The following FAM227A variants were observed in gnomAD, a reference collection of about 807,000 sequenced individuals.
The protein encoded by FAM227A is protein FAM227A.
A neutral mutation model predicts 74.7 loss-of-function variants in FAM227A; 80 were observed. The observed-to-expected ratio is 1.07, with a 90% confidence interval of 0.89 to 1.29. The LOEUF (loss-of-function observed/expected upper bound fraction) is 1.29. Ranked by LOEUF, FAM227A falls within the 50% of genes most tolerant of loss-of-function variation. FAM227A has a pLI of 0.00. For synonymous variants in FAM227A, 237 were observed against 241.8 expected (o/e 0.98, Z 0.19); for missense variants, 654 against 683.4 (o/e 0.96, Z 0.48).
At chr22:38,612,336 G>T (rs1245311265) in intron 11 of FAM227A, among the ~76,000 whole-genome samples, 2 of 152,138 alleles carry the variant, frequency 1.3e-5, no homozygotes, top group Non-Finnish European at 2.9e-5. Context: ...GCCTTCGCTT[G>T]TGCTTCTCTT....
chr22:38,655,911 C>T (rs1410148419), intron 1 of FAM227A, among the ~76,000 whole-genome samples: 1 of 152,206 alleles, frequency 6.6e-6, no homozygotes, highest in Non-Finnish European at 1.5e-5. Flanking sequence ...AGTTTCTGCA[C>T]TTATCAGACG....
intron 11 of FAM227A, among the ~76,000 whole-genome samples, chr22:38,610,205 TAG>T (rs917144884): frequency 1.3e-5 from 2 of 151,884 alleles, no homozygotes; most frequent in African/African-American, 4.8e-5. Context: ...TTTTTTTTGG[TAG>T]AGACAGGGAG....
chr22:38,592,073 C>T (rs1411901929), intron 15 of FAM227A, among the ~76,000 whole-genome samples: 1 of 151,884 alleles, frequency 6.6e-6, no homozygotes, highest in Non-Finnish European at 1.5e-5. Flanking sequence ...CTCAGCCTCC[C>T]GAGTAGCTGG....
intron 3 of FAM227A, among the ~76,000 whole-genome samples, 185 bp from the exon 4 acceptor site, chr22:38,639,909 G>C (rs2092078409): frequency 1.3e-5 from 2 of 152,134 alleles, no homozygotes; most frequent in South Asian, 2.1e-4. Flanking sequence ...TCATCCCCCA[G>C]AGTGTCCCCA....
At chr22:38,623,111 T>G in intron 10 of FAM227A, 61 bp downstream of exon 10, 1 of 1,160,138 alleles carries the variant, frequency 8.6e-7, no homozygotes, top group Non-Finnish European at 1.3e-6. Flanking sequence ...CCTCCCTCAG[T>G]TAGATAGTGG....
chr22:38,613,934 C>T (rs781180387), intron 11 of FAM227A, among the ~76,000 whole-genome samples: 3 of 152,054 alleles, frequency 2.0e-5, no homozygotes, highest in Non-Finnish European at 4.4e-5. Context: ...TGCAGGGGTG[C>T]GATCTCAGCT....
chr22:38,582,793 T>C lies in FAM227A; in HGVS notation c.*3332A>G. 1.3e-6 allele frequency: 2 copies of C among 1,541,672 alleles called. No individual in the cohort carries two copies. The highest frequency in any genetic ancestry group is 4.9e-5 in the East Asian group (2 of 40,888). On this transcript the variant is annotated 3_prime_UTR_variant, in exon 17 of 17. Coordinates refer to ENST00000535113, the MANE Select transcript of FAM227A (RefSeq NM_001013647.2). ...GACAGGCAATTCCAATCTACTATGG[T>C]AACTGCTGCCATAATGGGATGGCAC...
At chr22:38,593,002 C>G (rs6519119) in intron 15 of FAM227A, among the ~76,000 whole-genome samples, 39,976 of 152,060 alleles carry the variant, frequency 0.26, 5,550 homozygotes, top group East Asian at 0.36. Context: ...CTGCCTGTGG[C>G]CTTAAAAAGG....
intron 3 of FAM227A, among the ~76,000 whole-genome samples, chr22:38,645,075 G>C (rs1468401426): frequency 7.1e-6 from 1 of 140,396 alleles, no homozygotes; most frequent in Non-Finnish European, 1.5e-5. Flanking sequence ...GACAGAGCAA[G>C]TCTCTGTCTC....
At chr22:38,620,107 C>T (rs989916319) in intron 11 of FAM227A, 105 bp downstream of exon 11, 5 of 772,344 alleles carry the variant, frequency 6.5e-6, no homozygotes, top group Non-Finnish European at 1.1e-5. Flanking sequence ...GCAAGGGGTA[C>T]AGAGATGTGC....
intron 15 of FAM227A, among the ~76,000 whole-genome samples, chr22:38,591,987 C>T (rs2090947914): frequency 6.7e-6 from 1 of 150,166 alleles, no homozygotes; most frequent in Non-Finnish European, 1.5e-5. Flanking sequence ...CTTGCTCTGT[C>T]GCCCAGGCTG....
At chr22:38,597,494 T>C (rs1277307032) in intron 14 of FAM227A, 138 bp from the exon 15 acceptor site, 7 of 838,560 alleles carry the variant, frequency 8.3e-6, no homozygotes, top group East Asian at 8.0e-5. Context: ...CTGGATAAGA[T>C]ACCTGAAATC....
At chr22:38,609,629 G>A (rs1181700068) in intron 11 of FAM227A, among the ~76,000 whole-genome samples, 2 of 152,146 alleles carry the variant, frequency 1.3e-5, no homozygotes, top group Non-Finnish European at 2.9e-5. Flanking sequence ...TATTTGAATG[G>A]GCAGGAGAAA....
intron 1 of FAM227A, among the ~76,000 whole-genome samples, chr22:38,651,504 G>A (rs536894229): frequency 1.3e-5 from 2 of 152,058 alleles, no homozygotes; most frequent in African/African-American, 4.8e-5. Context: ...GCGACTACAG[G>A]TACCTGCCAC....
intron 2 of FAM227A, among the ~76,000 whole-genome samples, chr22:38,648,044 G>T (rs910403479): frequency 2.0e-5 from 3 of 152,128 alleles, no homozygotes; most frequent in African/African-American, 7.2e-5. Context: ...ATGGCTTGAA[G>T]GTAAATGAGC....
intron 6 of FAM227A, among the ~76,000 whole-genome samples, chr22:38,635,424 G>GTT (rs1569229118): frequency 6.6e-6 from 1 of 151,954 alleles, no homozygotes; most frequent in Non-Finnish European, 1.5e-5. Flanking sequence ...GGGGACAAGA[G>GTT]TTATGTGATG....
At chr22:38,655,653 C>T (rs1416373139) in intron 1 of FAM227A, among the ~76,000 whole-genome samples, 5 of 151,984 alleles carry the variant, frequency 3.3e-5, no homozygotes, top group African/African-American at 4.8e-5. Flanking sequence ...TTCTTTTTTA[C>T]TTTTTAAAAA....
rs1237938329 is a variant in FAM227A, at chr22:38,650,035, T to C, written c.134A>G (p.Asn45Ser). The change falls in exon 2 of 17, where the codon AAT becomes AGT. Residue 45 changes from asparagine to serine, a missense_variant. Coordinates refer to ENST00000535113, the MANE Select transcript of FAM227A (RefSeq NM_001013647.2). Reference sequence around the variant, plus strand: ...CATCACCAGAAGGATACAGGGTGGATTGTTCTCTAACTCCTTCCTCACAGT... The same window carrying C: ...CATCACCAGAAGGATACAGGGTGGACTGTTCTCTAACTCCTTCCTCACAGT... ...VKTVRKELEN[N>S]PPSCLIGSMH... 3 of 1,552,260 alleles carry C rather than the reference T, an allele frequency of 1.9e-6. No individual in the cohort carries two copies. Among genetic ancestry groups the C allele is most frequent in the Admixed American group, 3.9e-5 (2 of 50,976 alleles).
In FAM227A at chr22:38,585,947, A is replaced by G; in HGVS notation, c.*178T>C. 7.0e-7 allele frequency: 1 copy of G among 1,423,530 alleles called. No homozygotes were observed. The allele number at this position is 1,423,530 out of a possible 1,614,324, so 88.2% of individuals were successfully genotyped here. ...GTAGTGACCCAAGCACCAACTCTCT[A>G]CTCCTGCTTTTCACTCAGCCTAGGA... On this transcript the variant is annotated 3_prime_UTR_variant, in exon 17 of 17. Transcript: ENST00000535113.
Sources: gnomAD v4.1 joint callset for allele counts (sites outside exome capture counted in the v4.1 genomes callset) on GRCh38, gnomAD v4.1.1 for gene constraint, MANE v1.5 for transcripts, NCBI Gene and HGNC (gene_info 2026-07-23, HGNC 2026-07-21) for gene names.